Variants in CACNA1C observed in about 807,000 individuals in gnomAD.
CACNA1C encodes voltage-dependent L-type calcium channel subunit alpha-1C.
CACNA1C carries 30 observed loss-of-function variants against 229.0 expected under a neutral mutation model. The observed-to-expected ratio is 0.13, with a 90% confidence interval of 0.10 to 0.18. The LOEUF is 0.18. Among genes scored for constraint, CACNA1C ranks in the 10% least tolerant of loss-of-function variants. The probability of loss-of-function intolerance (pLI) is 1.00; values close to 1 mark genes in which losing one functional copy is unlikely to be tolerated. For synonymous variants in CACNA1C, 1,114 were observed against 1,132.5 expected (o/e 0.98, Z 0.33); for missense variants, 1,658 against 2,845.0 (o/e 0.58, Z 9.49).
In CACNA1C at chr12:2,597,560, G is replaced by C. The variant is rs1601585566; in HGVS notation, c.2853+271G>C. 9 of 1,051,402 alleles carry C rather than the reference G, an allele frequency of 8.6e-6. No individual in the cohort carries two copies. In the East Asian group the frequency reaches 1.9e-4, roughly 22 times the overall value. The allele number at this position is 1,051,402 out of a possible 1,614,324, so 65.1% of individuals were successfully genotyped here. ...TTGTCTATCTCTGCTCTGTGTGGCTGGATCTTTTGTCTTTTCTGTTTCTTT... is the reference window on the plus strand; with the variant it reads ...TTGTCTATCTCTGCTCTGTGTGGCTCGATCTTTTGTCTTTTCTGTTTCTTT... On this transcript the variant is annotated intron_variant, in intron 21 of 46. Transcript: ENST00000399655. The surrounding 1 kb of genome is among the most constrained non-coding windows in gnomAD (Gnocchi z 4.3).
At position 2,361,214 on chromosome 12, in the gene CACNA1C, C is replaced by A. The variant is rs532934408; in HGVS notation, c.478-87762C>A. Among the ~76,000 whole-genome samples the A allele has an allele frequency of 6.6e-5, 10 of 151,330 alleles. No homozygotes were observed. The East Asian group carries it at 1.9e-3, about 29-fold the overall frequency. ...ATATCAATTTTAATTTTGCTTCTAA[C>A]CTTTTGGACCAGCCACACCCTGACA... On this transcript the variant is annotated intron_variant, in intron 3 of 46. Coordinates refer to ENST00000399655, the MANE Select transcript of CACNA1C (RefSeq NM_000719.7).
At position 2,486,543 on chromosome 12, in the gene CACNA1C, T is replaced by TA. The variant is rs1275388273; in HGVS notation, c.916+282dup. 6.6e-6 allele frequency among the ~76,000 whole-genome samples: 1 copy of TA among 152,240 alleles called. No homozygotes were observed. Among genetic ancestry groups the TA allele is most frequent in the Non-Finnish European group, 1.5e-5 (1 of 68,046 alleles). On this transcript the variant is annotated intron_variant, in intron 6 of 46. Coordinates refer to ENST00000399655, the MANE Select transcript of CACNA1C (RefSeq NM_000719.7). The surrounding 1 kb of genome is among the most constrained non-coding windows in gnomAD (Gnocchi z 4.9). Reference sequence around the variant, plus strand: ...AGAAACATTTGAATAACTTAGAACCTATCTTTTGTCAATCTACGACTTTTC... The same window carrying TA: ...AGAAACATTTGAATAACTTAGAACCTAATCTTTTGTCAATCTACGACTTTTC...
intron 1 of CACNA1C, among the ~76,000 whole-genome samples, chr12:2,072,301 C>T (rs2061647527): frequency 6.6e-6 from 1 of 152,102 alleles, no homozygotes; most frequent in South Asian, 2.1e-4. Flanking sequence ...CGGGTTCAAG[C>T]AGTTCTCCTG....
chr12:2,647,009 A>C lies in CACNA1C; in HGVS notation c.3913-1466A>C, dbSNP rs1023480931. On this transcript the variant is annotated intron_variant, in intron 30 of 46. Transcript: ENST00000399655. The surrounding 1 kb of genome is among the most constrained non-coding windows in gnomAD (Gnocchi z 4.2). The stretch of plus-strand genomic sequence containing the variant: ...TCTTTCTCCTCCCTCACCTCACCCT[A>C]TATCTCCACCATCCCCTAAAAGGGC... Among the ~76,000 whole-genome samples the C allele has an allele frequency of 1.3e-5, 2 of 152,010 alleles. No homozygotes were observed. Among genetic ancestry groups the C allele is most frequent in the African/African-American group, 4.8e-5 (2 of 41,384 alleles).
chr12:2,443,617 C>G (rs1043599630), intron 3 of CACNA1C, among the ~76,000 whole-genome samples: 2 of 152,200 alleles, frequency 1.3e-5, no homozygotes, highest in African/African-American at 4.8e-5. Flanking sequence ...ATATTTGGTG[C>G]CTTCTCAATG....
rs532196065 is a variant in CACNA1C, at chr12:2,575,914, G to A, written c.1896-5676G>A. On this transcript the variant is annotated intron_variant, in intron 13 of 46. Coordinates refer to ENST00000399655, the MANE Select transcript of CACNA1C (RefSeq NM_000719.7). This position sits in a 1 kb window ranked among gnomAD's most constrained non-coding sequence, Gnocchi z 4.0. ...AAGGCTCGGGTCACTTTATATTATA[G>A]AAGAGGAGGAAGAATTCCACAGAGC... Among the ~76,000 whole-genome samples the A allele has an allele frequency of 5.3e-5, 8 of 152,302 alleles. No individual in the cohort carries two copies. Among genetic ancestry groups the A allele is most frequent in the African/African-American group, 1.9e-4 (8 of 41,562 alleles).
At chr12:1,991,857 A>G (rs2039510532) in intron 1 of CACNA1C, 3 of 159,064 alleles carry the variant, frequency 1.9e-5, no homozygotes, top group African/African-American at 7.2e-5. Flanking sequence ...AATATTACCT[A>G]TAACTGATCA....
chr12:2,045,379 G>A (rs2050869350), intron 1 of CACNA1C, among the ~76,000 whole-genome samples: 1 of 152,180 alleles, frequency 6.6e-6, no homozygotes, highest in Non-Finnish European at 1.5e-5. Flanking sequence ...AGGTAAAGGG[G>A]TTAGGGAGGT....
chr12:2,444,123 T>C (rs1043997646), intron 3 of CACNA1C, among the ~76,000 whole-genome samples: 8 of 152,202 alleles, frequency 5.3e-5, no homozygotes, highest in African/African-American at 1.7e-4. Context: ...GGCATGAGGA[T>C]TGTGAAACCA....
intron 13 of CACNA1C, among the ~76,000 whole-genome samples, chr12:2,571,105 G>C (rs934253130): frequency 1.3e-5 from 2 of 152,214 alleles, no homozygotes; most frequent in Non-Finnish European, 2.9e-5. Flanking sequence ...TGAGGATGAG[G>C]ATAGGCTACT....
intron 3 of CACNA1C, among the ~76,000 whole-genome samples, chr12:2,417,906 T>C (rs995813703): frequency 6.6e-6 from 1 of 151,854 alleles, no homozygotes; most frequent in Non-Finnish European, 1.5e-5. Context: ...GACATTCTTC[T>C]AGCTGCATAT....
chr12:2,228,936 A>ATG (rs112935415), intron 3 of CACNA1C, among the ~76,000 whole-genome samples: 8,426 of 150,940 alleles, frequency 0.056, 263 homozygotes, highest in South Asian at 0.1. Context: ...CTAGAATATT[A>ATG]TGTGTGTGTG....
chr12:2,337,989 C>G (rs1410415108), intron 3 of CACNA1C, among the ~76,000 whole-genome samples: 1 of 152,210 alleles, frequency 6.6e-6, no homozygotes, highest in Non-Finnish European at 1.5e-5. Context: ...GCTTCAGCAC[C>G]TGGAATGACT....
At chr12:2,535,161 G>A (rs1346335872) in intron 9 of CACNA1C, among the ~76,000 whole-genome samples, 2 of 152,172 alleles carry the variant, frequency 1.3e-5, no homozygotes, top group East Asian at 1.9e-4. Flanking sequence ...AGGCCGAGGC[G>A]GGCAGATCAC....
chr12:2,103,702 G>A (rs531415143), intron 1 of CACNA1C, among the ~76,000 whole-genome samples: 28 of 152,102 alleles, frequency 1.8e-4, no homozygotes, highest in Admixed American at 7.9e-4. Flanking sequence ...GGGTTTTTAC[G>A]GTTTTAGGTC....
At position 2,654,537 on chromosome 12, in the gene CACNA1C, A is replaced by G. The variant is rs2095305797; in HGVS notation, c.4141-610A>G. 6.6e-6 allele frequency among the ~76,000 whole-genome samples: 1 copy of G among 152,318 alleles called. No homozygotes were observed. Among genetic ancestry groups the G allele is most frequent in the East Asian group, 1.9e-4 (1 of 5,166 alleles). On this transcript the variant is annotated intron_variant, in intron 33 of 46. Coordinates refer to ENST00000399655, the MANE Select transcript of CACNA1C (RefSeq NM_000719.7). The surrounding 1 kb of genome is among the most constrained non-coding windows in gnomAD (Gnocchi z 4.4). The stretch of plus-strand genomic sequence containing the variant: ...CTTGGCAGGGCGCCCACACTAGCCC[A>G]AAGCGCTTCCTCGGCCGCTCCTTCA...
At chr12:2,362,291 C>T (rs2097578013) in intron 3 of CACNA1C, among the ~76,000 whole-genome samples, 1 of 152,146 alleles carries the variant, frequency 6.6e-6, no homozygotes, top group South Asian at 2.1e-4. Flanking sequence ...TGCTGTGATG[C>T]AGGCTTGGGA....
At chr12:2,295,384 G>A (rs2093941963) in intron 3 of CACNA1C, among the ~76,000 whole-genome samples, 1 of 152,104 alleles carries the variant, frequency 6.6e-6, no homozygotes, top group Non-Finnish European at 1.5e-5. Flanking sequence ...GAAGCCTTCT[G>A]CAACCCCATG....
At chr12:2,130,165 G>A (rs2091802100) in intron 3 of CACNA1C, among the ~76,000 whole-genome samples, 1 of 138,464 alleles carries the variant, frequency 7.2e-6, no homozygotes. Flanking sequence ...AACTCATTTA[G>A]TCCCCTCGAC....
Sources: gnomAD v4.1 joint callset for allele counts (sites outside exome capture counted in the v4.1 genomes callset) on GRCh38, gnomAD v4.1.1 for gene constraint, Gnocchi (gnomAD v3.1) non-coding constraint, MANE v1.5 for transcripts, NCBI Gene and HGNC (gene_info 2026-07-23, HGNC 2026-07-21) for gene names.